Variants in RER1 observed in about 807,000 individuals in gnomAD.
RER1 encodes retention in endoplasmic reticulum sorting receptor 1.
Under a neutral mutation model 28.3 loss-of-function variants are expected in RER1, and 6 were observed. That is an observed-to-expected ratio of 0.21 (90% CI 0.12 to 0.42). The LOEUF is 0.42. Ranked by LOEUF, RER1 falls within the 10% of genes least tolerant of loss-of-function variation. RER1 has a pLI of 1.00. For missense variants in RER1, 159 were observed against 252.9 expected, an observed-to-expected ratio of 0.63 and a Z score of 2.52; for synonymous variants, 110 against 95.9, an observed-to-expected ratio of 1.15 and a Z score of -0.86.
intron 1 of RER1, chr1:2,393,244 C>T (rs1642716147): frequency 6.6e-6 from 1 of 152,164 alleles, no homozygotes; most frequent in African/African-American, 2.4e-5. Context: ...AATTGATGGG[C>T]TGTCTACTAT....
rs1167906152 is a variant in RER1 at position 2,400,881 on chromosome 1, A to G, written c.311A>G (p.Lys104Arg). The change falls in exon 5 of 7, where the codon AAA (lysine) becomes AGA (arginine). Residue 104 changes from lysine (K) to arginine (R), a missense_variant. Physicochemically the swap from Lys to Arg is conservative, Grantham distance 26 (BLOSUM62 2). Transcript: ENST00000605895. Reference protein sequence around the residue: ...DSDDGPSLPTKQNEEFRPFIR... With the variant: ...DSDDGPSLPTRQNEEFRPFIR... ...GATGACGGTCCTTCGCTACCCACCA[A>G]ACAGAACGAGGAATTCCGCCCCTTC... The G allele has an allele frequency of 1.9e-6, 3 of 1,613,940 alleles. No homozygotes were observed. Among genetic ancestry groups the G allele is most frequent in the Non-Finnish European group, 1.7e-6 (2 of 1,179,980 alleles).
At chr1:2,402,596 C>T (rs560538597) in intron 6 of RER1, among the ~76,000 whole-genome samples, 1 of 152,278 alleles carries the variant, frequency 6.6e-6, no homozygotes, top group East Asian at 1.9e-4. Flanking sequence ...GTGGGAGAGC[C>T]CCGGCGAGTG....
At chr1:2,399,769 A>G (rs1642818292) in intron 4 of RER1, among the ~76,000 whole-genome samples, 1 of 152,164 alleles carries the variant, frequency 6.6e-6, no homozygotes, top group Non-Finnish European at 1.5e-5. Flanking sequence ...AACGTGTTCG[A>G]GGTCACATGG....
At chr1:2,395,917 A>G in intron 2 of RER1, 46 bp downstream of exon 2, 1 of 1,405,630 alleles carries the variant, frequency 7.1e-7, no homozygotes, top group Non-Finnish European at 1.0e-6. Context: ...TGAAAAAGAA[A>G]CGGGACTCCC....
chr1:2,400,972 G>A, intron 5 of RER1, 37 bp downstream of exon 5: 1 of 1,544,246 alleles, frequency 6.5e-7, no homozygotes, highest in Non-Finnish European at 9.0e-7. Context: ...AGAGAATTGT[G>A]CTCAAGGGTG....
chr1:2,393,250 A>C (rs1345625007), intron 1 of RER1: 1 of 152,286 alleles, frequency 6.6e-6, no homozygotes, highest in South Asian at 2.1e-4. Context: ...TGGGCTGTCT[A>C]CTATGTAATG....
Position 2,397,350 on chromosome 1 carries a change from C to T in RER1, c.186+130C>T. ...TAGTAATCAATTTTCAGCTAAACGC[C>T]AAATGTCAGAAAGATCTCAGTGACT... On this transcript the variant is annotated intron_variant, in intron 3 of 6. Coordinates refer to ENST00000605895, the MANE Select transcript of RER1 (RefSeq NM_007033.5). 4.4e-6 allele frequency: 3 copies of T among 676,824 alleles called. No homozygotes were observed. In the South Asian group the frequency reaches 4.8e-5, roughly 11 times the overall value. The allele number at this position is 676,824 out of a possible 1,614,324, so 41.9% of individuals were successfully genotyped here.
chr1:2,394,149 T>C (rs960494456), intron 1 of RER1: 1 of 152,166 alleles, frequency 6.6e-6, no homozygotes, highest in African/African-American at 2.4e-5. Flanking sequence ...GTAGCCTCTA[T>C]TTAAATATGG....
chr1:2,395,261 G>A (rs1206347046), intron 1 of RER1: 2 of 161,728 alleles, frequency 1.2e-5, no homozygotes, highest in Non-Finnish European at 2.7e-5. Flanking sequence ...GACTACCTGA[G>A]AGTTGTAGAT....
At chr1:2,397,803 T>G (rs571469339) in intron 3 of RER1, among the ~76,000 whole-genome samples, 1 of 152,306 alleles carries the variant, frequency 6.6e-6, no homozygotes, top group South Asian at 2.1e-4. Context: ...GCTCCTTTAC[T>G]TGCTGGTAAA....
intron 6 of RER1, 85 bp downstream of exon 6, chr1:2,402,427 G>A: frequency 1.3e-6 from 2 of 1,571,176 alleles, no homozygotes; most frequent in Non-Finnish European, 1.7e-6. Flanking sequence ...GGGCTGTGGT[G>A]GGTGGTGGCA....
chr1:2,398,900 C>T (rs1642806254), intron 3 of RER1, among the ~76,000 whole-genome samples: 1 of 152,222 alleles, frequency 6.6e-6, no homozygotes, highest in Non-Finnish European at 1.5e-5. Context: ...AAAGGTTTAA[C>T]CCTCCTGGCA....
chr1:2,401,071 T>C, intron 5 of RER1, 136 bp downstream of exon 5: 1 of 728,032 alleles, frequency 1.4e-6, no homozygotes, highest in Non-Finnish European at 2.4e-6. Flanking sequence ...GCAGGGGCTC[T>C]CTGTAGAAGG....
chr1:2,401,513 G>T lies in RER1; in HGVS notation c.365+578G>T, dbSNP rs112558316. Among the ~76,000 whole-genome samples, 790 of 149,414 alleles carry T rather than the reference G, an allele frequency of 5.3e-3. 2 individuals carry two copies. Among genetic ancestry groups the T allele is most frequent in the East Asian group, 0.011 (56 of 4,988 alleles). On this transcript the variant is annotated intron_variant, in intron 5 of 6. Transcript: ENST00000605895. The stretch of plus-strand genomic sequence containing the variant: ...ATTTTTGAGAGGGGTTTGAGCCGAG[G>T]TGTCCGTGTCTGCACGGGTAGGCAG...
intron 1 of RER1, among the ~76,000 whole-genome samples, chr1:2,393,589 C>T (rs989066018): frequency 2.0e-4 from 31 of 152,134 alleles, no homozygotes; most frequent in Non-Finnish European, 2.4e-4. Context: ...TGATTCCTCA[C>T]GAGAGCCTTG....
At chr1:2,401,370 CTT>C (rs1557903970) in intron 5 of RER1, among the ~76,000 whole-genome samples, 1 of 5,666 alleles carries the variant, frequency 1.8e-4, no homozygotes, top group African/African-American at 5.2e-4. Context: ...CTCCTCCCTC[CTT>C]CCTCCCTCCT....
chr1:2,395,960 TC>T, intron 2 of RER1, 89 bp downstream of exon 2: 1 of 1,027,480 alleles, frequency 9.7e-7, no homozygotes, highest in South Asian at 1.3e-5. Flanking sequence ...TTGCTGGTGT[TC>T]CTGATGGAGA....
At chr1:2,400,381 T>A (rs1489501171) in intron 4 of RER1, among the ~76,000 whole-genome samples, 5 of 152,210 alleles carry the variant, frequency 3.3e-5, no homozygotes, top group African/African-American at 1.2e-4. Flanking sequence ...CCTGTAGGCC[T>A]CAGTTTTCCC....
In RER1 at chr1:2,391,856, C is replaced by G. The variant is rs909900188; in HGVS notation, c.-110C>G. ...GACGGAGCGGAAGTGCTCGCTGCAG[C>G]TTCCCGGAGCCGGAGCGCAGCGCCT... On this transcript the variant is annotated 5_prime_UTR_variant, in exon 1 of 7. Transcript: ENST00000605895. The G allele has an allele frequency of 3.2e-6, 1 of 312,012 alleles. No individual in the cohort carries two copies. Among genetic ancestry groups the G allele is most frequent in the East Asian group, 5.1e-5 (1 of 19,596 alleles). 19.3% of individuals were successfully genotyped at this position (312,012 alleles called of 1,614,324 possible). A position where few individuals can be genotyped will look rare whatever the true frequency, so the allele number is the denominator to read the frequency against.
Sources: allele counts gnomAD v4.1 joint callset (sites outside exome capture counted in the v4.1 genomes callset), GRCh38; gene constraint gnomAD v4.1.1; transcripts MANE v1.5; gene names NCBI Gene and HGNC (gene_info 2026-07-23, HGNC 2026-07-21).